TRPM3: variants seen among roughly 807,000 people sequenced by gnomAD.
The protein encoded by TRPM3 is transient receptor potential cation channel subfamily M member 3, also known as long transient receptor potential channel 3.
TRPM3 carries 77 observed loss-of-function variants against 181.2 expected under a neutral mutation model. The ratio of observed to expected loss-of-function variants is 0.42; its 90% CI spans 0.35 to 0.51. TRPM3 has a LOEUF of 0.51. Ranked by LOEUF, TRPM3 falls within the 20% of genes least tolerant of loss-of-function variation. The probability of loss-of-function intolerance (pLI) is 0.01; values close to 1 mark genes in which losing one functional copy is unlikely to be tolerated. For synonymous variants in TRPM3, 745 were observed against 796.4 expected, an observed-to-expected ratio of 0.94 and a Z score of 1.09; for missense variants, 1,759 against 2,196.7, an observed-to-expected ratio of 0.80 and a Z score of 3.98.
intron 9 of TRPM3, among the ~76,000 whole-genome samples, chr9:70,654,893 C>G (rs1248632517): frequency 6.6e-6 from 1 of 151,392 alleles, no homozygotes; most frequent in Non-Finnish European, 1.5e-5. Flanking sequence ...CTGTGTTACC[C>G]AGGATGGTCT....
At chr9:71,370,819 C>G (rs1225703640) in intron 1 of TRPM3, among the ~76,000 whole-genome samples, 29 of 152,170 alleles carry the variant, frequency 1.9e-4, no homozygotes. Context: ...ACAGCTAGAG[C>G]AGAGAAGTCA....
chr9:70,757,016 A>G (rs892643567), intron 8 of TRPM3, among the ~76,000 whole-genome samples: 1 of 143,280 alleles, frequency 7.0e-6, no homozygotes, highest in Non-Finnish European at 1.6e-5. Context: ...TAGAGACACG[A>G]AAAACACTTC....
chr9:70,959,452 AAG>A (rs1395579162), intron 1 of TRPM3, among the ~76,000 whole-genome samples: 1 of 152,064 alleles, frequency 6.6e-6, no homozygotes, highest in Non-Finnish European at 1.5e-5. Context: ...CACTTTAACA[AAG>A]AGAAAAAAAA....
At chr9:71,265,746 C>T (rs1319681078) in intron 1 of TRPM3, among the ~76,000 whole-genome samples, 1 of 152,204 alleles carries the variant, frequency 6.6e-6, no homozygotes. Context: ...CCAGCAATAT[C>T]TATTGTATGT....
intron 1 of TRPM3, among the ~76,000 whole-genome samples, chr9:71,324,271 AG>A (rs2089480235): frequency 6.6e-6 from 1 of 152,188 alleles, no homozygotes; most frequent in African/African-American, 2.4e-5. Context: ...ACAACATTTA[AG>A]AAAAATATAT....
chr9:71,056,757 T>G (rs1043561309), intron 1 of TRPM3, among the ~76,000 whole-genome samples: 21 of 152,112 alleles, frequency 1.4e-4, no homozygotes, highest in Middle Eastern at 3.4e-3. Flanking sequence ...AAGAAACCAG[T>G]GCTCTGACAT....
At chr9:71,230,753 T>C (rs546085930) in intron 1 of TRPM3, among the ~76,000 whole-genome samples, 1 of 152,298 alleles carries the variant, frequency 6.6e-6, no homozygotes, top group Admixed American at 6.5e-5. Flanking sequence ...ACAGGCTCCA[T>C]GACAATGAGA....
At chr9:70,581,372 A>G (rs1190558907) in intron 22 of TRPM3, among the ~76,000 whole-genome samples, 1 of 152,272 alleles carries the variant, frequency 6.6e-6, no homozygotes, top group East Asian at 1.9e-4. Context: ...TCAGTCAAAC[A>G]TCACTTGACA....
intron 1 of TRPM3, among the ~76,000 whole-genome samples, chr9:71,228,216 G>T (rs1164751259): frequency 6.6e-6 from 1 of 152,112 alleles, no homozygotes; most frequent in Non-Finnish European, 1.5e-5. Flanking sequence ...TATATCAACA[G>T]AAAGAAGGAC....
At chr9:71,357,751 C>A (rs1275466226) in intron 1 of TRPM3, among the ~76,000 whole-genome samples, 1 of 149,366 alleles carries the variant, frequency 6.7e-6, no homozygotes, top group Non-Finnish European at 1.5e-5. Flanking sequence ...AAAAAAAATG[C>A]ATCTTTTTCT....
At chr9:70,836,270 C>T (rs929896800) in intron 5 of TRPM3, among the ~76,000 whole-genome samples, 1 of 152,106 alleles carries the variant, frequency 6.6e-6, no homozygotes, top group African/African-American at 2.4e-5. Flanking sequence ...CTCTCTGTCC[C>T]ATGTCCCTTT....
At chr9:71,437,331 A>G (rs947961012) in intron 1 of TRPM3, among the ~76,000 whole-genome samples, 3 of 152,252 alleles carry the variant, frequency 2.0e-5, no homozygotes, top group South Asian at 2.1e-4. Flanking sequence ...GGCCAGATCC[A>G]TTCCATTATC....
chr9:71,059,010 C>CTTTTTTTTTTT (rs1491270019), intron 1 of TRPM3, among the ~76,000 whole-genome samples: 1 of 15,932 alleles, frequency 6.3e-5, no homozygotes, highest in African/African-American at 2.4e-4. Flanking sequence ...TTTGTTTGTT[C>CTTTTTTTTTTT]ATTTTTTTTT....
In TRPM3 at chr9:70,834,810, C is replaced by A. The variant is rs1475548326; in HGVS notation, c.802-6792G>T. Among the ~76,000 whole-genome samples, 3 of 152,204 alleles carry A rather than the reference C, an allele frequency of 2.0e-5. No homozygotes were observed. The East Asian group carries it at 5.8e-4, about 29-fold the overall frequency. ...CTCAAGAGACAGCCCAGGCCAGAAC[C>A]ACTCAGACAAGCCACGCATACATTC... On this transcript the variant is annotated intron_variant, in intron 5 of 25. Transcript: ENST00000677713.
At chr9:70,865,669 T>G (rs1370713025) in intron 1 of TRPM3, among the ~76,000 whole-genome samples, 2 of 152,016 alleles carry the variant, frequency 1.3e-5, no homozygotes, top group Non-Finnish European at 2.9e-5. Context: ...TACTTCAGTC[T>G]TGCACCTCCC....
intron 22 of TRPM3, 144 bp downstream of exon 22, chr9:70,590,887 T>G: frequency 9.7e-7 from 1 of 1,029,766 alleles, no homozygotes; most frequent in East Asian, 2.5e-5. Context: ...TCTGTAATTT[T>G]TGTTTCCTCC....
intron 1 of TRPM3, among the ~76,000 whole-genome samples, chr9:71,275,719 A>C (rs1246381894): frequency 6.6e-6 from 1 of 152,218 alleles, no homozygotes; most frequent in Non-Finnish European, 1.5e-5. Context: ...TGATTAACAA[A>C]CAGAATCTGA....
intron 22 of TRPM3, among the ~76,000 whole-genome samples, chr9:70,555,255 A>G (rs1588314766): frequency 6.6e-6 from 1 of 152,154 alleles, no homozygotes; most frequent in Non-Finnish European, 1.5e-5. Context: ...TCCAAAGCCC[A>G]CCCAGCTCCC....
intron 7 of TRPM3, among the ~76,000 whole-genome samples, chr9:70,781,498 C>T (rs2082457588): frequency 6.6e-6 from 1 of 151,556 alleles, no homozygotes; most frequent in Admixed American, 6.6e-5. Context: ...CTTTGGAATA[C>T]CAATAGTAAT....
Sources: gnomAD v4.1 joint callset for allele counts (sites outside exome capture counted in the v4.1 genomes callset) on GRCh38, gnomAD v4.1.1 for gene constraint, MANE v1.5 for transcripts, NCBI Gene and HGNC (gene_info 2026-07-23, HGNC 2026-07-21) for gene names.